KIF1A: variants seen among roughly 807,000 people sequenced by gnomAD.
The protein encoded by KIF1A is kinesin-like protein KIF1A.
In KIF1A, 46 loss-of-function variants were observed where a neutral mutation model predicts 227.3. The ratio of observed to expected loss-of-function variants is 0.20; its 90% CI spans 0.16 to 0.26. The LOEUF is 0.26. KIF1A is among the 10% of genes least tolerant of loss of function. The pLI is 1.00. For missense variants in KIF1A, 1,683 were observed against 2,485.9 expected (o/e 0.68, Z 6.87); for synonymous variants, 1,022 against 1,012.8 (o/e 1.01, Z -0.17).
At chr2:240,796,408 G>A (rs940241396) in intron 2 of KIF1A, among the ~76,000 whole-genome samples, 5 of 152,122 alleles carry the variant, frequency 3.3e-5, no homozygotes, top group Admixed American at 6.5e-5. Flanking sequence ...CACGGGCCCC[G>A]GCAAGGCCAG....
intron 1 of KIF1A, among the ~76,000 whole-genome samples, chr2:240,814,692 C>T (rs904448928): frequency 2.6e-5 from 4 of 152,124 alleles, no homozygotes; most frequent in African/African-American, 9.7e-5. Flanking sequence ...TTTGTGGGGC[C>T]GAGGCAGGAG....
At position 240,736,535 on chromosome 2, in the gene KIF1A, C is replaced by T. The variant is rs542816030; in HGVS notation, c.4007+528G>A. Among the ~76,000 whole-genome samples, 7 of 152,350 alleles carry T rather than the reference C, an allele frequency of 4.6e-5. No individual in the cohort carries two copies. The highest frequency in any genetic ancestry group is 4.6e-4 in the Admixed American group (7 of 15,308). On this transcript the variant is annotated intron_variant, in intron 38 of 48. Coordinates refer to ENST00000498729, the MANE Select transcript of KIF1A (RefSeq NM_001244008.2). This position sits in a 1 kb window ranked among gnomAD's most constrained non-coding sequence, Gnocchi z 4.7. ...ACAGACATCCCAGAGCGCCAAAACC[C>T]CAGCCTAAATGCGGTCGGGCTGGGA... is the stretch of plus-strand genomic sequence containing the variant.
At chr2:240,803,931 G>C (rs1157693707) in intron 1 of KIF1A, among the ~76,000 whole-genome samples, 1 of 152,138 alleles carries the variant, frequency 6.6e-6, no homozygotes, top group African/African-American at 2.4e-5. Flanking sequence ...GACAAATACT[G>C]ATATATGTGA....
In KIF1A at chr2:240,722,646, G is replaced by T. The variant is rs1446691513; in HGVS notation, c.4475C>A (p.Thr1492Asn). 3.9e-6 allele frequency: 6 copies of T among 1,540,552 alleles called. No individual in the cohort carries two copies. The highest frequency in any genetic ancestry group is 4.4e-6 in the Non-Finnish European group (5 of 1,141,190). The change falls in exon 43 of 49, where the codon ACT (threonine) becomes AAT (asparagine). Residue 1492 changes from threonine to asparagine, a missense_variant. Coordinates refer to ENST00000498729, the MANE Select transcript of KIF1A (RefSeq NM_001244008.2). ...KLSLLQEVEKTRHYLLLREKL... is the reference protein window; with the variant it reads ...KLSLLQEVEKNRHYLLLREKL... ...CTCCCGCAGGAGCAGGTAGTGCCTAGTCTTCTCCACCTTCAGACAGGACAC... is the reference window on the plus strand; with the variant it reads ...CTCCCGCAGGAGCAGGTAGTGCCTATTCTTCTCCACCTTCAGACAGGACAC...
chr2:240,809,426 A>G (rs993212972), intron 1 of KIF1A, among the ~76,000 whole-genome samples: 1 of 152,246 alleles, frequency 6.6e-6, no homozygotes, highest in African/African-American at 2.4e-5. Flanking sequence ...CCCCAGGAAC[A>G]GACCTGCAGA....
chr2:240,744,984 T>A (rs2048415621), intron 32 of KIF1A, among the ~76,000 whole-genome samples: 1 of 152,064 alleles, frequency 6.6e-6, no homozygotes, highest in South Asian at 2.1e-4. Context: ...CTCTCCATCA[T>A]CCTAGCAGCC....
In KIF1A at chr2:240,783,113, C is replaced by A. The variant is rs759945798; in HGVS notation, c.799-4G>T. 11 of 1,612,624 alleles carry A rather than the reference C, an allele frequency of 6.8e-6. No individual in the cohort carries two copies. In the South Asian group the frequency reaches 8.8e-5, roughly 13 times the overall value. ...ACTTGTTGATGTTGGCCCCCTCCTG[C>A]GGGCAGAAAAGACAGTGGGGTTGGG... On this transcript the variant is annotated splice_region_variant and splice_polypyrimidine_tract_variant and intron_variant, in intron 8 of 48. Coordinates refer to ENST00000498729, the MANE Select transcript of KIF1A (RefSeq NM_001244008.2).
intron 1 of KIF1A, among the ~76,000 whole-genome samples, chr2:240,817,716 C>A (rs564056915): frequency 6.6e-6 from 1 of 152,188 alleles, no homozygotes; most frequent in Non-Finnish European, 1.5e-5. Flanking sequence ...CTGCTTTGGC[C>A]GGCCCGGCTG....
rs751880793 is a variant in KIF1A at position 240,718,141 on chromosome 2, C to G, written c.5242G>C (p.Glu1748Gln). The G allele has an allele frequency of 1.9e-6, 3 of 1,608,400 alleles. No individual in the cohort carries two copies. Among genetic ancestry groups the G allele is most frequent in the Non-Finnish European group, 2.5e-6 (3 of 1,178,006 alleles). Reference sequence around the variant, plus strand: ...GCCTGCAGCAGGATGCCGCGGTGTTCCGTGCACACCGCGAATGTGTTGGGT... The same window carrying G: ...GCCTGCAGCAGGATGCCGCGGTGTTGCGTGCACACCGCGAATGTGTTGGGT... ...KTPNTFAVCT[E>Q]HRGILLQAAS... The change falls in exon 48 of 49, where the codon GAA becomes CAA. Residue 1748 changes from glutamate (E) to glutamine (Q), a missense_variant. Coordinates refer to ENST00000498729, the MANE Select transcript of KIF1A (RefSeq NM_001244008.2).
rs1402351960 is a variant in KIF1A at position 240,793,877 on chromosome 2, G to A, written c.106+3770C>T. Among the ~76,000 whole-genome samples, 1 of 152,184 alleles carries A rather than the reference G, an allele frequency of 6.6e-6. No individual in the cohort carries two copies. Among genetic ancestry groups the A allele is most frequent in the Admixed American group, 6.5e-5 (1 of 15,290 alleles). On this transcript the variant is annotated intron_variant, in intron 2 of 48. Coordinates refer to ENST00000498729, the MANE Select transcript of KIF1A (RefSeq NM_001244008.2). This position sits in a 1 kb window ranked among gnomAD's most constrained non-coding sequence, Gnocchi z 4.8. ...CGGACAGGCAGGGCAGGCTGGCCAG[G>A]TCACTTCCCCACGACATCCTCTGAG...
Position 240,765,779 on chromosome 2 carries a change from C to T in KIF1A, c.1699G>A (p.Glu567Lys), listed in dbSNP as rs1401576951. ...RGGSEAVVTL[E>K]PCEGADTYVN... ...TAGGTGTCTGCCCCCTCACAGGGCT[C>T]CAAGGTCACCACAGCTACAGGAAAG... The change falls in exon 20 of 49, where the codon GAG (glutamate) becomes AAG (lysine). Residue 567 changes from glutamate (E) to lysine (K), a missense_variant. This residue lies in a region of KIF1A where 217 missense variants were observed against 427.0 expected (regional missense o/e 0.51). Coordinates refer to ENST00000498729, the MANE Select transcript of KIF1A (RefSeq NM_001244008.2). 3.1e-6 allele frequency: 5 copies of T among 1,613,398 alleles called. 1 individual carries two copies. The South Asian group carries it at 3.3e-5, about 11-fold the overall frequency.
intron 1 of KIF1A, among the ~76,000 whole-genome samples, chr2:240,819,844 C>T (rs538083127): frequency 3.3e-5 from 5 of 152,294 alleles, no homozygotes; most frequent in African/African-American, 9.6e-5. Context: ...GCCGAGGGTC[C>T]CGCTGCAGCC....
At chr2:240,808,468 G>A (rs1466520120) in intron 1 of KIF1A, among the ~76,000 whole-genome samples, 1 of 151,338 alleles carries the variant, frequency 6.6e-6, no homozygotes, top group East Asian at 1.9e-4. Flanking sequence ...AGACCAGCCT[G>A]AGCAACATAG....
At chr2:240,809,708 G>A (rs1378166024) in intron 1 of KIF1A, among the ~76,000 whole-genome samples, 30 of 142,038 alleles carry the variant, frequency 2.1e-4, no homozygotes, top group South Asian at 4.4e-4. Flanking sequence ...TCACTCTGTC[G>A]CCCAGGCTGG....
Position 240,777,603 on chromosome 2 carries a change from C to T in KIF1A, c.883-1677G>A, listed in dbSNP as rs542539346. Among the ~76,000 whole-genome samples, 3 of 152,300 alleles carry T rather than the reference C, an allele frequency of 2.0e-5. No homozygotes were observed. The South Asian group carries it at 6.2e-4, about 32-fold the overall frequency. On this transcript the variant is annotated intron_variant, in intron 10 of 48. Transcript: ENST00000498729. ...ACGCTGACCTTCCATCCTGACTTGC[C>T]GCACCAGGCCACCTGCTCCCGACCT...
rs141046923 is a variant in KIF1A at position 240,741,437 on chromosome 2, G to T, written c.3641-60C>A. ...AGACCTGACCTATCACGTGCCAAGG[G>T]CACACTCAAGGAGGAGATGCCGGGG... On this transcript the variant is annotated intron_variant, in intron 34 of 48. Coordinates refer to ENST00000498729, the MANE Select transcript of KIF1A (RefSeq NM_001244008.2). The T allele has an allele frequency of 4.6e-6, 6 of 1,313,394 alleles. No individual in the cohort carries two copies. The East Asian group carries it at 1.6e-4, about 35-fold the overall frequency. The allele number at this position is 1,313,394 out of a possible 1,614,324, so 81.4% of individuals were successfully genotyped here.
chr2:240,787,131 G>T, intron 5 of KIF1A, 120 bp downstream of exon 5: 1 of 806,440 alleles, frequency 1.2e-6, no homozygotes. Flanking sequence ...TTGGATGAGT[G>T]AGGGACAAGC....
chr2:240,731,927 G>GGGGAGGAC (rs2046678083), intron 38 of KIF1A, among the ~76,000 whole-genome samples: 1 of 65,900 alleles, frequency 1.5e-5, no homozygotes, highest in Non-Finnish European at 3.1e-5. Flanking sequence ...GAGGGGAGGA[G>GGGGAGGAC]GGATGAGGGA....
rs564702625 is a variant in KIF1A, at chr2:240,722,689, A to T, written c.4465-33T>A. 8.2e-6 allele frequency: 12 copies of T among 1,458,326 alleles called. 1 individual carries two copies. The South Asian group carries it at 1.5e-4, about 19-fold the overall frequency. 90.3% of individuals were successfully genotyped at this position (1,458,326 alleles called of 1,614,324 possible). ...CAGGACACAAGGCCTTACCTGCTGC[A>T]CCTCAGGGGTGACCTCCGGAGTTGT... On this transcript the variant is annotated intron_variant, in intron 42 of 48. Coordinates refer to ENST00000498729, the MANE Select transcript of KIF1A (RefSeq NM_001244008.2).
Sources: allele counts gnomAD v4.1 joint callset (sites outside exome capture counted in the v4.1 genomes callset), GRCh38; gene constraint gnomAD v4.1.1; regional missense constraint gnomAD v4.1.1; non-coding constraint Gnocchi (gnomAD v3.1); transcripts MANE v1.5; gene names NCBI Gene and HGNC (gene_info 2026-07-23, HGNC 2026-07-21).